Variants in SLC25A42 observed in about 807,000 individuals in gnomAD.
The protein encoded by SLC25A42 is solute carrier family 25 member 42.
In SLC25A42, 19 loss-of-function variants were observed where a neutral mutation model predicts 34.7. That is an observed-to-expected ratio of 0.55 (90% confidence interval 0.38 to 0.80). SLC25A42 has a LOEUF of 0.80. SLC25A42 is among the 30% of genes least tolerant of loss of function. The pLI, the probability that SLC25A42 is intolerant of heterozygous loss-of-function variation, is 0.00. For synonymous variants in SLC25A42, 205 were observed against 191.2 expected (o/e 1.07, Z -0.59); for missense variants, 364 against 441.3 (o/e 0.82, Z 1.57).
chr19:19,078,999 T>C (rs1014050630), intron 1 of SLC25A42, among the ~76,000 whole-genome samples: 2 of 151,986 alleles, frequency 1.3e-5, no homozygotes, highest in Non-Finnish European at 1.5e-5. Flanking sequence ...ACTGCCTTCA[T>C]CTGATTTCAG....
chr19:19,098,790 C>T (rs562489258), intron 2 of SLC25A42, among the ~76,000 whole-genome samples: 15 of 152,046 alleles, frequency 9.9e-5, no homozygotes, highest in East Asian at 3.9e-4. Flanking sequence ...CAGGGTGGCG[C>T]GCAGCTGTAA....
chr19:19,110,584 G>A lies in SLC25A42; in HGVS notation c.665G>A (p.Arg222Gln). Residue 222 changes from arginine to glutamine, a missense_variant, in exon 8 of 8, where the codon CGG becomes CAG. Transcript: ENST00000318596. ...CGCCCTGCAGAGTACAGCGGCCGCC[G>A]GCAGCCCTACCCCTTCGAGCGCATG... ...KSLHREYSGR[R>Q]QPYPFERMIF... 1.4e-6 allele frequency: 2 copies of A among 1,437,456 alleles called. No homozygotes were observed. The highest frequency in any genetic ancestry group is 1.8e-6 in the Non-Finnish European group (2 of 1,102,390). 89.0% of individuals were successfully genotyped at this position (1,437,456 alleles called of 1,614,324 possible).
At chr19:19,071,487 CA>C (rs2059629865) in intron 1 of SLC25A42, among the ~76,000 whole-genome samples, 1 of 152,130 alleles carries the variant, frequency 6.6e-6, no homozygotes, top group Non-Finnish European at 1.5e-5. Context: ...GTCTGATCTT[CA>C]GGGGGCCAGG....
At position 19,101,785 on chromosome 19, in the gene SLC25A42, A is replaced by AC; in HGVS notation, c.88dup (p.His30ProfsTer180). On this transcript the variant is annotated frameshift_variant, in exon 3 of 8. Coordinates refer to ENST00000318596, the MANE Select transcript of SLC25A42 (RefSeq NM_178526.5). LOFTEE classifies it high-confidence loss of function. ...TGATCACATGTTCTGTTGCAGCGTG[A>AC]CCACAGGCAAGTGCTCAGCTCCCTG... 6.2e-7 allele frequency: 1 copy of AC among 1,611,122 alleles called. No homozygotes were observed. Among genetic ancestry groups the AC allele is most frequent in the Non-Finnish European group, 8.5e-7 (1 of 1,178,832 alleles).
intron 6 of SLC25A42, 135 bp downstream of exon 6, chr19:19,106,520 G>A (rs1005141515): frequency 6.5e-6 from 4 of 616,308 alleles, no homozygotes; most frequent in African/African-American, 3.7e-5. Context: ...CAGGCCTGAT[G>A]TGTCATTCTG....
Position 19,096,153 on chromosome 19 carries a change from T to C in SLC25A42, c.29T>C (p.Val10Ala). MGNGVKEGPVRLHEDAEAVL... is the reference protein window; with the variant it reads MGNGVKEGPARLHEDAEAVL... ...GGTAATGGTGTGAAGGAAGGCCCGGTGCGATTGCATGAGGATGCTGAGGCT... is the reference window on the plus strand; with the variant it reads ...GGTAATGGTGTGAAGGAAGGCCCGGCGCGATTGCATGAGGATGCTGAGGCT... The change falls in exon 2 of 8, where the codon GTG becomes GCG. Residue 10 changes from valine (V) to alanine (A), a missense_variant. Coordinates refer to ENST00000318596, the MANE Select transcript of SLC25A42 (RefSeq NM_178526.5). 1 of 1,613,484 alleles carries C rather than the reference T, an allele frequency of 6.2e-7. No homozygotes were observed. Among genetic ancestry groups the C allele is most frequent in the Non-Finnish European group, 8.5e-7 (1 of 1,179,968 alleles).
intron 7 of SLC25A42, among the ~76,000 whole-genome samples, chr19:19,108,839 G>C (rs1182099301): frequency 6.6e-6 from 1 of 152,038 alleles, no homozygotes; most frequent in Admixed American, 6.6e-5. Context: ...GCCCAAGTTG[G>C]TCTCAAACTC....
At chr19:19,067,530 C>T (rs2059608913) in intron 1 of SLC25A42, among the ~76,000 whole-genome samples, 1 of 152,048 alleles carries the variant, frequency 6.6e-6, no homozygotes, top group African/African-American at 2.4e-5. Flanking sequence ...CTGCAGTGAG[C>T]TATGATTGCA....
intron 3 of SLC25A42, among the ~76,000 whole-genome samples, chr19:19,104,441 C>T (rs867949098): frequency 7.9e-5 from 12 of 152,288 alleles, no homozygotes; most frequent in South Asian, 6.2e-4. Flanking sequence ...CACCATGGCT[C>T]GGGTCCCCCA....
chr19:19,086,881 A>T (rs1282428547), intron 1 of SLC25A42, among the ~76,000 whole-genome samples: 2 of 152,046 alleles, frequency 1.3e-5, no homozygotes, highest in Non-Finnish European at 2.9e-5. Context: ...TGATATATTT[A>T]CTTTGATATA....
At chr19:19,077,453 G>A (rs1208891799) in intron 1 of SLC25A42, among the ~76,000 whole-genome samples, 7 of 152,184 alleles carry the variant, frequency 4.6e-5, no homozygotes, top group African/African-American at 1.7e-4. Context: ...AAGTGGATTC[G>A]TATGGTATTT....
intron 2 of SLC25A42, among the ~76,000 whole-genome samples, chr19:19,099,983 C>T (rs1303010846): frequency 6.6e-6 from 1 of 151,822 alleles, no homozygotes; most frequent in African/African-American, 2.4e-5. Context: ...CCGCCTCGGC[C>T]TCCCAAAGTG....
At chr19:19,100,109 A>C (rs1377848698) in intron 2 of SLC25A42, among the ~76,000 whole-genome samples, 1 of 151,826 alleles carries the variant, frequency 6.6e-6, no homozygotes, top group East Asian at 2.0e-4. Flanking sequence ...CAGAAGGCCG[A>C]GGCAGGCAGA....
At chr19:19,100,231 A>T (rs1457882682) in intron 2 of SLC25A42, among the ~76,000 whole-genome samples, 5 of 152,016 alleles carry the variant, frequency 3.3e-5, no homozygotes, top group African/African-American at 1.2e-4. Flanking sequence ...AATTCCAGCT[A>T]CTCAGGAGGC....
chr19:19,090,061 C>T (rs1245500930), intron 1 of SLC25A42, among the ~76,000 whole-genome samples: 1 of 152,178 alleles, frequency 6.6e-6, no homozygotes, highest in Non-Finnish European at 1.5e-5. Context: ...AATCTAGTGT[C>T]CTGTCCCACC....
intron 4 of SLC25A42, chr19:19,105,341 G>A: frequency 1.6e-6 from 1 of 607,654 alleles, no homozygotes; most frequent in Non-Finnish European, 2.8e-6. Flanking sequence ...TGGGGTGGGA[G>A]GCCCAGAAAA....
At chr19:19,097,273 T>G (rs2059770664) in intron 2 of SLC25A42, among the ~76,000 whole-genome samples, 1 of 152,164 alleles carries the variant, frequency 6.6e-6, no homozygotes, top group Non-Finnish European at 1.5e-5. Flanking sequence ...TCCCGACCTT[T>G]CCCCGGATTC....
At chr19:19,071,311 G>C (rs1477202406) in intron 1 of SLC25A42, among the ~76,000 whole-genome samples, 4 of 152,090 alleles carry the variant, frequency 2.6e-5, no homozygotes, top group African/African-American at 9.7e-5. Context: ...CCAGCTCCAA[G>C]TGTGTACATC....
intron 2 of SLC25A42, among the ~76,000 whole-genome samples, chr19:19,100,284 G>C (rs781135862): frequency 1.3e-5 from 2 of 152,132 alleles, no homozygotes; most frequent in Non-Finnish European, 2.9e-5. Context: ...AAAGTTTGCA[G>C]TGAGCTGAGA....
Sources: allele counts gnomAD v4.1 joint callset (sites outside exome capture counted in the v4.1 genomes callset), GRCh38; gene constraint gnomAD v4.1.1; transcripts MANE v1.5; gene names NCBI Gene and HGNC (gene_info 2026-07-23, HGNC 2026-07-21).